DNER: variants seen among roughly 807,000 people sequenced by gnomAD.
The protein encoded by DNER is delta and Notch-like epidermal growth factor-related receptor.
DNER carries 33 observed loss-of-function variants against 78.2 expected under a neutral mutation model. The observed-to-expected ratio is 0.42, with a 90% CI of 0.32 to 0.56. The LOEUF is 0.56. Among genes scored for constraint, DNER ranks in the 20% least tolerant of loss-of-function variants. DNER has a pLI of 0.11. For missense variants in DNER, 918 were observed against 975.3 expected (o/e 0.94, Z 0.78); for synonymous variants, 417 against 384.8 (o/e 1.08, Z -0.98).
intron 12 of DNER, among the ~76,000 whole-genome samples, chr2:229,361,723 T>C (rs1358625843): frequency 6.6e-6 from 1 of 152,066 alleles, no homozygotes; most frequent in Non-Finnish European, 1.5e-5. Context: ...CCTCTGAAAG[T>C]ATTATATATA....
intron 12 of DNER, among the ~76,000 whole-genome samples, chr2:229,362,992 A>G (rs1441948468): frequency 6.6e-6 from 1 of 152,234 alleles, no homozygotes; most frequent in Non-Finnish European, 1.5e-5. Flanking sequence ...AAAACTGAAC[A>G]TGTCCTCCAT....
chr2:229,562,049 G>A (rs1258207688), intron 4 of DNER, among the ~76,000 whole-genome samples: 7 of 152,080 alleles, frequency 4.6e-5, no homozygotes, highest in East Asian at 1.9e-4. Context: ...GTACTCTATC[G>A]GTCCTAGACC....
intron 4 of DNER, among the ~76,000 whole-genome samples, chr2:229,555,237 T>C (rs1456294608): frequency 6.6e-6 from 1 of 152,156 alleles, no homozygotes; most frequent in Non-Finnish European, 1.5e-5. Context: ...TTTATTTAAA[T>C]TGGCTTTGGG....
At chr2:229,505,618 T>G (rs779147578) in intron 6 of DNER, among the ~76,000 whole-genome samples, 3 of 152,168 alleles carry the variant, frequency 2.0e-5, no homozygotes, top group Non-Finnish European at 4.4e-5. Flanking sequence ...TGAATTATTT[T>G]AAATTGCTAC....
chr2:229,405,297 G>A (rs1318898460), intron 10 of DNER, among the ~76,000 whole-genome samples: 2 of 152,136 alleles, frequency 1.3e-5, no homozygotes, highest in Admixed American at 6.5e-5. Context: ...TGCACTTTTG[G>A]TAGGAGAAAA....
At chr2:229,366,399 C>T (rs1364699401) in intron 12 of DNER, among the ~76,000 whole-genome samples, 1 of 152,160 alleles carries the variant, frequency 6.6e-6, no homozygotes. Context: ...ACTCCTTGTC[C>T]CTCTGGAGTC....
chr2:229,602,054 G>T (rs975914532), intron 1 of DNER, among the ~76,000 whole-genome samples: 4 of 150,314 alleles, frequency 2.7e-5, no homozygotes, highest in Non-Finnish European at 5.9e-5. Context: ...TAAAAAAGTT[G>T]CAGAACAATT....
intron 1 of DNER, among the ~76,000 whole-genome samples, chr2:229,711,862 C>G (rs1036625301): frequency 6.6e-6 from 1 of 152,110 alleles, no homozygotes; most frequent in Admixed American, 6.6e-5. Context: ...CCCTCCCCAC[C>G]ACCCCAGGTT....
intron 11 of DNER, among the ~76,000 whole-genome samples, chr2:229,384,919 C>T (rs1045249812): frequency 3.3e-5 from 5 of 152,026 alleles, no homozygotes; most frequent in African/African-American, 1.2e-4. Flanking sequence ...ATGAGGCCAG[C>T]ATCATCCTGA....
chr2:229,646,967 G>A (rs960741874), intron 1 of DNER, among the ~76,000 whole-genome samples: 6 of 152,178 alleles, frequency 3.9e-5, no homozygotes, highest in Admixed American at 2.6e-4. Context: ...AAGAGATCGC[G>A]ACCATCCTGG....
chr2:229,489,311 TTGG>T (rs1170996098), intron 6 of DNER, among the ~76,000 whole-genome samples: 1 of 152,086 alleles, frequency 6.6e-6, no homozygotes, highest in Non-Finnish European at 1.5e-5. Context: ...TAAAGGAAAC[TTGG>T]TGGCACTCCA....
chr2:229,365,728 A>G (rs1201300801), intron 12 of DNER, among the ~76,000 whole-genome samples: 3 of 152,110 alleles, frequency 2.0e-5, no homozygotes, highest in African/African-American at 7.2e-5. Context: ...GAGGCAGCAC[A>G]CCCAGCCAGG....
chr2:229,465,598 T>A lies in DNER; in HGVS notation c.1261+11542A>T, dbSNP rs539683887. On this transcript the variant is annotated intron_variant, in intron 7 of 12. Transcript: ENST00000341772. ...ACTTAAAATAACATTTAAAAAAAAA[T>A]AAAAAACAAACAGAATCTCAGCCCC... Among the ~76,000 whole-genome samples the A allele has an allele frequency of 2.8e-3, 424 of 151,730 alleles. 2 individuals carry two copies. Among genetic ancestry groups the A allele is most frequent in the African/African-American group, 9.4e-3 (387 of 41,334 alleles).
intron 11 of DNER, among the ~76,000 whole-genome samples, chr2:229,381,239 G>A (rs2106332504): frequency 6.6e-6 from 1 of 152,294 alleles, no homozygotes; most frequent in East Asian, 1.9e-4. Flanking sequence ...GTGCACTCCA[G>A]CCTAGATACT....
At chr2:229,630,513 AATAATAAT>A (rs1698416797) in intron 1 of DNER, among the ~76,000 whole-genome samples, 1 of 149,044 alleles carries the variant, frequency 6.7e-6, no homozygotes, top group African/African-American at 2.5e-5. Context: ...TAATAATAAT[AATAATAAT>A]AAAATCTTCT....
In DNER at chr2:229,385,128, C is replaced by T. The variant is rs144804243; in HGVS notation, c.1855+3137G>A. Among the ~76,000 whole-genome samples the T allele has an allele frequency of 2.2e-3, 336 of 150,872 alleles. 2 individuals carry two copies. The highest frequency in any genetic ancestry group is 7.8e-3 in the African/African-American group (321 of 41,206). On this transcript the variant is annotated intron_variant, in intron 11 of 12. Transcript: ENST00000341772. ...AAAAAAAAAAAAAAAGCTTATCCAC[C>T]ACAATCAAGTTGGCTTCATCCCTAG...
At chr2:229,558,107 C>T (rs866147787) in intron 4 of DNER, among the ~76,000 whole-genome samples, 1 of 152,126 alleles carries the variant, frequency 6.6e-6, no homozygotes, top group African/African-American at 2.4e-5. Flanking sequence ...GGCCATTATC[C>T]TTAGCAAACT....
intron 1 of DNER, among the ~76,000 whole-genome samples, chr2:229,680,219 T>C (rs1373054072): frequency 1.3e-5 from 2 of 152,064 alleles, no homozygotes; most frequent in East Asian, 3.9e-4. Context: ...GTCCCGGGTA[T>C]GGAATAAAAG....
At chr2:229,561,833 G>A (rs1696964551) in intron 4 of DNER, among the ~76,000 whole-genome samples, 1 of 152,116 alleles carries the variant, frequency 6.6e-6, no homozygotes, top group African/African-American at 2.4e-5. Flanking sequence ...AATGGGATGT[G>A]GAGTTTTTGC....
Sources: gnomAD v4.1 joint callset for allele counts (sites outside exome capture counted in the v4.1 genomes callset) on GRCh38, gnomAD v4.1.1 for gene constraint, MANE v1.5 for transcripts, NCBI Gene and HGNC (gene_info 2026-07-23, HGNC 2026-07-21) for gene names.